Variants in AUH observed in about 807,000 individuals in gnomAD.
AUH encodes the protein AU RNA binding methylglutaconyl-CoA hydratase, also known as methylglutaconyl-CoA hydratase, mitochondrial.
Under a neutral mutation model 42.3 loss-of-function variants are expected in AUH, and 29 were observed. That is an observed-to-expected ratio of 0.69 (90% CI 0.51 to 0.93). The LOEUF (loss-of-function observed/expected upper bound fraction) is 0.93. Ranked by LOEUF, AUH falls within the 40% of genes least tolerant of loss-of-function variation. The pLI, the probability that AUH is intolerant of heterozygous loss-of-function variation, is 0.00. For synonymous variants in AUH, 174 were observed against 166.4 expected (o/e 1.05, Z -0.35); for missense variants, 452 against 438.1 (o/e 1.03, Z -0.28).
chr9:91,222,797 G>A (rs1233935747), intron 6 of AUH, among the ~76,000 whole-genome samples: 4 of 152,152 alleles, frequency 2.6e-5, no homozygotes, highest in Non-Finnish European at 5.9e-5. Context: ...TTCATGATAA[G>A]CATATTAGGA....
At chr9:91,301,363 C>G (rs1827769779) in intron 4 of AUH, among the ~76,000 whole-genome samples, 1 of 152,140 alleles carries the variant, frequency 6.6e-6, no homozygotes, top group African/African-American at 2.4e-5. Context: ...TCTTATTTCT[C>G]CAATAAGTTT....
intron 4 of AUH, among the ~76,000 whole-genome samples, chr9:91,298,936 C>G (rs1827564156): frequency 6.6e-6 from 1 of 152,070 alleles, no homozygotes; most frequent in Non-Finnish European, 1.5e-5. Flanking sequence ...AAGGTAATAT[C>G]GGCCGGGCGC....
chr9:91,281,668 G>A (rs1490996421), intron 6 of AUH, among the ~76,000 whole-genome samples: 1 of 152,100 alleles, frequency 6.6e-6, no homozygotes, highest in Admixed American at 6.6e-5. Context: ...TCTCTTTTCA[G>A]TTACTGCAGC....
chr9:91,234,773 A>G (rs1828081997), intron 6 of AUH, among the ~76,000 whole-genome samples: 2 of 150,602 alleles, frequency 1.3e-5, no homozygotes, highest in South Asian at 4.3e-4. Flanking sequence ...GCAAGAAGCA[A>G]TGGGCCAGAG....
Position 91,220,714 on chromosome 9 carries a change from T to G in AUH, c.843+91A>C, listed in dbSNP as rs1462842359. The G allele has an allele frequency of 2.1e-6, 3 of 1,438,600 alleles. No homozygotes were observed. The African/African-American group carries it at 4.2e-5, about 20-fold the overall frequency. 89.1% of individuals were successfully genotyped at this position (1,438,600 alleles called of 1,614,324 possible). A position where few individuals can be genotyped will look rare whatever the true frequency, so the allele number is the denominator to read the frequency against. ...CTTTACTTGGAAGCAAGCCAGGGAC[T>G]TCTTCCATAGGCAAGATGACTGCTG... On this transcript the variant is annotated intron_variant, in intron 7 of 9. Transcript: ENST00000375731.
chr9:91,353,375 G>A (rs1027431288), intron 3 of AUH, among the ~76,000 whole-genome samples: 1 of 152,038 alleles, frequency 6.6e-6, no homozygotes, highest in African/African-American at 2.4e-5. Flanking sequence ...ATGAGCCACC[G>A]CGCCCAGCAG....
chr9:91,220,893 C>A lies in AUH; in HGVS notation c.755G>T (p.Gly252Val). The A allele has an allele frequency of 6.2e-7, 1 of 1,614,222 alleles. No individual in the cohort carries two copies. The highest frequency in any genetic ancestry group is 8.5e-7 in the Non-Finnish European group (1 of 1,180,046). Residue 252 changes from glycine (G) to valine (V), a missense_variant, in exon 7 of 10, where the codon GGC becomes GTC. By Grantham distance (109) the Gly-to-Val change is moderately radical. Transcript: ENST00000375731. ...CTGTTCCAGAACGTGGCTGATTAAGCCCACTGCTTTGGCTTCTTTGCCATC... is the reference window on the plus strand; with the variant it reads ...CTGTTCCAGAACGTGGCTGATTAAGACCACTGCTTTGGCTTCTTTGCCATC... ...VLDGKEAKAV[G>V]LISHVLEQNQ...
At chr9:91,344,509 G>A (rs922331253) in intron 3 of AUH, among the ~76,000 whole-genome samples, 4 of 152,150 alleles carry the variant, frequency 2.6e-5, no homozygotes, top group East Asian at 1.9e-4. Flanking sequence ...AAATCTCTTC[G>A]AATATGTTAC....
chr9:91,243,001 G>C (rs1411595591), intron 6 of AUH, among the ~76,000 whole-genome samples: 1 of 152,240 alleles, frequency 6.6e-6, no homozygotes, highest in African/African-American at 2.4e-5. Context: ...TAACTACCAC[G>C]TATTGAGAAC....
At chr9:91,323,801 AAATG>A (rs1473544242) in intron 4 of AUH, among the ~76,000 whole-genome samples, 4 of 152,214 alleles carry the variant, frequency 2.6e-5, no homozygotes, top group Non-Finnish European at 5.9e-5. Flanking sequence ...GACATTAAAA[AAATG>A]AATGACCCCA....
chr9:91,278,038 G>A (rs1287467757), intron 6 of AUH, among the ~76,000 whole-genome samples: 1 of 152,188 alleles, frequency 6.6e-6, no homozygotes. Context: ...GGCAGCAGGT[G>A]AGTTTTAATG....
At chr9:91,316,724 C>T (rs1172988294) in intron 4 of AUH, among the ~76,000 whole-genome samples, 1 of 152,192 alleles carries the variant, frequency 6.6e-6, no homozygotes, top group Non-Finnish European at 1.5e-5. Context: ...GACTTCAAGG[C>T]TGTACATATG....
intron 6 of AUH, among the ~76,000 whole-genome samples, chr9:91,266,840 A>G (rs184794684): frequency 1.5e-4 from 23 of 152,338 alleles, no homozygotes; most frequent in South Asian, 2.1e-4. Context: ...AGGTATGTAT[A>G]GTTGAACATA....
chr9:91,217,172 CA>C, intron 8 of AUH, 104 bp downstream of exon 8: 1 of 1,203,524 alleles, frequency 8.3e-7, no homozygotes, highest in South Asian at 1.3e-5. Context: ...TTTAAACAAC[CA>C]TATTTTAGAA....
At chr9:91,291,817 G>A (rs756285995) in intron 6 of AUH, among the ~76,000 whole-genome samples, 6 of 149,698 alleles carry the variant, frequency 4.0e-5, no homozygotes, top group Non-Finnish European at 8.9e-5. Context: ...CATTGTTACT[G>A]TTGTTTCATT....
chr9:91,314,030 G>T (rs1828947113), intron 4 of AUH, among the ~76,000 whole-genome samples: 1 of 151,946 alleles, frequency 6.6e-6, no homozygotes, highest in South Asian at 2.1e-4. Flanking sequence ...CACCATGTTG[G>T]CAAGGCTGGT....
chr9:91,271,236 A>C (rs769800851), intron 6 of AUH, among the ~76,000 whole-genome samples: 3 of 152,250 alleles, frequency 2.0e-5, no homozygotes, highest in Non-Finnish European at 2.9e-5. Context: ...AAACACAATC[A>C]AAAAATGCTT....
At chr9:91,285,824 A>G (rs961462049) in intron 6 of AUH, among the ~76,000 whole-genome samples, 1 of 152,172 alleles carries the variant, frequency 6.6e-6, no homozygotes, top group Non-Finnish European at 1.5e-5. Flanking sequence ...TACGCAAGGT[A>G]TGTTAATAAT....
At chr9:91,324,111 A>C (rs1829795325) in intron 4 of AUH, among the ~76,000 whole-genome samples, 1 of 152,230 alleles carries the variant, frequency 6.6e-6, no homozygotes. Context: ...TATCTATAAC[A>C]CATTTAAACA....
Sources: gnomAD v4.1 joint callset for allele counts (sites outside exome capture counted in the v4.1 genomes callset) on GRCh38, gnomAD v4.1.1 for gene constraint, MANE v1.5 for transcripts, NCBI Gene and HGNC (gene_info 2026-07-23, HGNC 2026-07-21) for gene names.